Variants in TMEM230 observed in about 807,000 individuals in gnomAD.
TMEM230 encodes transmembrane protein 230.
A neutral mutation model predicts 15.8 loss-of-function variants in TMEM230; 10 were observed. The observed-to-expected ratio is 0.63, with a 90% confidence interval of 0.39 to 1.07. TMEM230 has a LOEUF of 1.07. Ranked by LOEUF, TMEM230 falls within the 50% of genes least tolerant of loss-of-function variation. The pLI, the probability that TMEM230 is intolerant of heterozygous loss-of-function variation, is 0.01. For synonymous variants in TMEM230, 67 were observed against 76.9 expected (o/e 0.87, Z 0.68); for missense variants, 165 against 193.3 (o/e 0.85, Z 0.87).
chr20:5,074,227 G>A (rs116413658), intron 3 of TMEM230, among the ~76,000 whole-genome samples: 2,103 of 152,172 alleles, frequency 0.014, 51 homozygotes, highest in African/African-American at 0.048. Context: ...CCATATCACT[G>A]CCCCTCCCAT....
intron 4 of TMEM230, among the ~76,000 whole-genome samples, chr20:5,104,539 GA>G (rs1280360314): frequency 6.6e-6 from 1 of 152,160 alleles, no homozygotes; most frequent in Non-Finnish European, 1.5e-5. Context: ...CAAAAGAAAG[GA>G]AATCAGTTTA....
At chr20:5,090,634 A>G (rs1370308804) in intron 3 of TMEM230, among the ~76,000 whole-genome samples, 2 of 152,200 alleles carry the variant, frequency 1.3e-5, no homozygotes, top group Non-Finnish European at 2.9e-5. Flanking sequence ...TGAGAAACTA[A>G]AAGTTGTGTC....
the TMEM230 span, among the ~76,000 whole-genome samples, chr20:5,061,822 G>A: frequency 6.6e-6 from 1 of 152,118 alleles, no homozygotes; most frequent in Non-Finnish European, 1.5e-5. Context: ...TAGGGCATTA[G>A]GGGGTTCACA....
intron 3 of TMEM230, among the ~76,000 whole-genome samples, chr20:5,070,411 C>T (rs1249442886): frequency 1.3e-5 from 2 of 152,140 alleles, no homozygotes; most frequent in Non-Finnish European, 1.5e-5. Context: ...AACCATAAGA[C>T]ACAAAAATCA....
At chr20:5,069,935 C>A (rs952224141) in intron 3 of TMEM230, among the ~76,000 whole-genome samples, 2 of 152,144 alleles carry the variant, frequency 1.3e-5, no homozygotes, top group Non-Finnish European at 2.9e-5. Context: ...GTCTTGAACT[C>A]CTGGCCTCAA....
At chr20:5,083,049 T>C (rs917020590) in intron 3 of TMEM230, among the ~76,000 whole-genome samples, 3 of 151,344 alleles carry the variant, frequency 2.0e-5, no homozygotes, top group Non-Finnish European at 4.4e-5. Context: ...TGCCTCAGCC[T>C]CAAGAGTAGC....
At chr20:5,081,512 G>C (rs1179345294) in intron 3 of TMEM230, among the ~76,000 whole-genome samples, 1 of 152,196 alleles carries the variant, frequency 6.6e-6, no homozygotes, top group East Asian at 1.9e-4. Flanking sequence ...AGGTAGCAAA[G>C]AACCTTGAAC....
rs755740933 is a variant in TMEM230 at position 5,100,927 on chromosome 20, G to GC, written c.415dup (p.Ala139GlyfsTer38). ...GATCAGCACTGGAACGGCCCGGTCT[G>GC]CCCCCTGGTGGCAGAAGGAGGCAAA... On this transcript the variant is annotated frameshift_variant, in exon 5 of 5. Coordinates refer to ENST00000342308, the MANE Select transcript of TMEM230 (RefSeq NM_001009923.2). LOFTEE classifies it high-confidence loss of function. 6.2e-7 allele frequency: 1 copy of GC among 1,614,022 alleles called. No individual in the cohort carries two copies. The highest frequency in any genetic ancestry group is 2.2e-5 in the East Asian group (1 of 44,886).
At position 5,109,402 on chromosome 20, in the gene TMEM230, G is replaced by A; in HGVS notation, c.218C>T (p.Thr73Ile). 1.2e-6 allele frequency: 2 copies of A among 1,613,906 alleles called. No homozygotes were observed. Among genetic ancestry groups the A allele is most frequent in the Non-Finnish European group, 1.7e-6 (2 of 1,179,854 alleles). The change falls in exon 3 of 5, where the codon ACT (threonine) becomes ATT (isoleucine). Residue 73 changes from threonine (T) to isoleucine (I), a missense_variant. By Grantham distance (89) the Thr-to-Ile change is moderately conservative. Transcript: ENST00000342308. ...TTTCACTTTACTACTGGGGATTCCA[G>A]TAGCCAGGTTGGTACGGGACGGCAT...
At chr20:5,086,230 T>TAA (rs570691228) in intron 3 of TMEM230, among the ~76,000 whole-genome samples, 255 of 123,010 alleles carry the variant, frequency 2.1e-3, no homozygotes, top group African/African-American at 7.7e-3. Context: ...TCATTTCTAT[T>TAA]AAAAAAAAAA....
chr20:5,086,586 T>C (rs938623376), intron 3 of TMEM230, among the ~76,000 whole-genome samples: 4 of 151,512 alleles, frequency 2.6e-5, no homozygotes, highest in East Asian at 3.9e-4. Flanking sequence ...AGTATCTGTA[T>C]ATATTTTTAT....
At chr20:5,086,538 C>CAA (rs542162305) in intron 3 of TMEM230, among the ~76,000 whole-genome samples, 3 of 89,008 alleles carry the variant, frequency 3.4e-5, no homozygotes, top group Non-Finnish European at 4.4e-5. Context: ...GACTCTGTCT[C>CAA]AAAAAAAAAA....
At chr20:5,083,327 T>C (rs2089239435) in intron 3 of TMEM230, among the ~76,000 whole-genome samples, 1 of 141,952 alleles carries the variant, frequency 7.0e-6, no homozygotes, top group African/African-American at 2.7e-5. Flanking sequence ...AGAGGTTTAA[T>C]AGAAGAAAGA....
At chr20:5,101,029 C>A in intron 4 of TMEM230, 98 bp from the exon 4 acceptor site, 1 of 1,378,958 alleles carries the variant, frequency 7.3e-7, no homozygotes, top group Non-Finnish European at 9.6e-7. Context: ...ATTTTATACT[C>A]TTCAGTACTT....
chr20:5,104,058 A>T (rs904930100), intron 4 of TMEM230, among the ~76,000 whole-genome samples: 10 of 152,210 alleles, frequency 6.6e-5, no homozygotes, highest in Admixed American at 5.9e-4. Flanking sequence ...ATATATAAGG[A>T]GCTCAAACTC....
chr20:5,105,297 T>C (rs945988450), intron 4 of TMEM230, among the ~76,000 whole-genome samples: 13 of 149,394 alleles, frequency 8.7e-5, no homozygotes, highest in African/African-American at 3.0e-4. Flanking sequence ...AAAATATATA[T>C]ATATGTATGT....
intron 3 of TMEM230, among the ~76,000 whole-genome samples, chr20:5,077,404 A>G (rs2089038761): frequency 6.6e-6 from 1 of 152,180 alleles, no homozygotes; most frequent in Non-Finnish European, 1.5e-5. Context: ...TGACCAAAAT[A>G]GACAAAAATC....
At chr20:5,091,931 G>A (rs142174872) in intron 3 of TMEM230, among the ~76,000 whole-genome samples, 12 of 152,320 alleles carry the variant, frequency 7.9e-5, no homozygotes, top group Non-Finnish European at 1.6e-4. Context: ...TCAAAGTTCT[G>A]TGGTCTACTT....
Position 5,100,067 on chromosome 20 carries a change from G to A in TMEM230, c.*724C>T, listed in dbSNP as rs1428325712. 3 of 985,208 alleles carry A rather than the reference G, an allele frequency of 3.0e-6. No individual in the cohort carries two copies. Among genetic ancestry groups the A allele is most frequent in the African/African-American group, 1.7e-5 (1 of 57,178 alleles). The allele number at this position is 985,208 out of a possible 1,614,324, so 61.0% of individuals were successfully genotyped here. The stretch of plus-strand genomic sequence containing the variant: ...AAACTCTAAATAATAACCACTACAT[G>A]TTTCATTAGGAAACAGCCAAAAGTC... On this transcript the variant is annotated 3_prime_UTR_variant, in exon 5 of 5. Transcript: ENST00000342308.
Sources: gnomAD v4.1 joint callset for allele counts (sites outside exome capture counted in the v4.1 genomes callset) on GRCh38, gnomAD v4.1.1 for gene constraint, MANE v1.5 for transcripts, NCBI Gene and HGNC (gene_info 2026-07-23, HGNC 2026-07-21) for gene names.